PIK3C2G: variants seen among roughly 807,000 people sequenced by gnomAD.
The protein encoded by PIK3C2G is phosphatidylinositol-4-phosphate 3-kinase catalytic subunit type 2 gamma, also known as phosphatidylinositol 3-kinase C2 domain-containing subunit gamma.
A neutral mutation model predicts 181.1 loss-of-function variants in PIK3C2G; 168 were observed. That is an observed-to-expected ratio of 0.93 (90% CI 0.82 to 1.05). PIK3C2G has a LOEUF of 1.05. Among genes scored for constraint, PIK3C2G ranks in the 50% least tolerant of loss-of-function variants. The pLI, the probability that PIK3C2G is intolerant of heterozygous loss-of-function variation, is 0.00. For synonymous variants in PIK3C2G, 573 were observed against 592.2 expected (o/e 0.97, Z 0.47); for missense variants, 1,869 against 1,732.8 (o/e 1.08, Z -1.40).
intron 5 of PIK3C2G, among the ~76,000 whole-genome samples, chr12:18,307,591 C>T (rs746619951): frequency 7.5e-4 from 114 of 151,912 alleles, no homozygotes; most frequent in Admixed American, 1.6e-3. Flanking sequence ...AGAGCACAAC[C>T]CTTCTCTCCA....
chr12:18,279,851 A>G (rs530119804), intron 1 of PIK3C2G, among the ~76,000 whole-genome samples: 75 of 152,016 alleles, frequency 4.9e-4, no homozygotes, highest in Non-Finnish European at 8.0e-4. Flanking sequence ...ATTTACATAC[A>G]TCTCTTGAAA....
chr12:18,587,366 A>G (rs1352156307), intron 29 of PIK3C2G, among the ~76,000 whole-genome samples: 2 of 152,136 alleles, frequency 1.3e-5, no homozygotes, highest in East Asian at 1.9e-4. Context: ...AAGTTTTGGG[A>G]TACAAATCAA....
At chr12:18,283,148 T>C (rs1231265489) in intron 2 of PIK3C2G, among the ~76,000 whole-genome samples, 2 of 152,130 alleles carry the variant, frequency 1.3e-5, no homozygotes, top group African/African-American at 2.4e-5. Context: ...TTGAGTCACA[T>C]TGTAATGATT....
chr12:18,492,862 C>G (rs1490197615), intron 20 of PIK3C2G, among the ~76,000 whole-genome samples: 1 of 152,050 alleles, frequency 6.6e-6, no homozygotes, highest in Non-Finnish European at 1.5e-5. Context: ...CAGGTGGGAC[C>G]ACACTCCTTC....
At chr12:18,310,064 ATAAT>A (rs1950576966) in intron 5 of PIK3C2G, among the ~76,000 whole-genome samples, 1 of 151,914 alleles carries the variant, frequency 6.6e-6, no homozygotes, top group South Asian at 2.1e-4. Flanking sequence ...TTTTTAAAAG[ATAAT>A]TAATAAAGGA....
At chr12:18,416,570 T>C (rs1945193001) in intron 16 of PIK3C2G, among the ~76,000 whole-genome samples, 1 of 152,192 alleles carries the variant, frequency 6.6e-6, no homozygotes, top group South Asian at 2.1e-4. Context: ...CCAATGCTCA[T>C]TTACTATTTC....
At chr12:18,622,420 G>A (rs956038356) in intron 31 of PIK3C2G, among the ~76,000 whole-genome samples, 8 of 151,834 alleles carry the variant, frequency 5.3e-5, no homozygotes, top group African/African-American at 1.9e-4. Context: ...ATATTCCATT[G>A]TACACAAACA....
intron 11 of PIK3C2G, among the ~76,000 whole-genome samples, chr12:18,357,371 A>G (rs1271219948): frequency 1.3e-5 from 2 of 152,146 alleles, no homozygotes; most frequent in Non-Finnish European, 1.5e-5. Context: ...ATTTAAGTTA[A>G]AAATATTCAA....
chr12:18,490,843 GTTGT>G (rs2136062308), intron 19 of PIK3C2G, among the ~76,000 whole-genome samples: 1 of 152,278 alleles, frequency 6.6e-6, no homozygotes, highest in South Asian at 2.1e-4. Flanking sequence ...ATTTAAAGGT[GTTGT>G]TTGTGATATC....
intron 29 of PIK3C2G, among the ~76,000 whole-genome samples, chr12:18,591,485 C>A (rs1472110736): frequency 3.3e-5 from 5 of 151,542 alleles, no homozygotes; most frequent in South Asian, 4.2e-4. Context: ...AAACCCTGGG[C>A]AAATGGGTGG....
chr12:18,466,655 G>T (rs533109953), intron 18 of PIK3C2G, among the ~76,000 whole-genome samples: 1 of 152,042 alleles, frequency 6.6e-6, no homozygotes, highest in East Asian at 1.9e-4. Flanking sequence ...ACATTTGTCA[G>T]ATGGCATAAT....
the PIK3C2G span, among the ~76,000 whole-genome samples, chr12:18,677,164 A>G: frequency 1.3e-5 from 2 of 152,250 alleles, no homozygotes; most frequent in East Asian, 3.9e-4. Flanking sequence ...AGATACTGTC[A>G]TATTCCAACA....
At chr12:18,426,655 A>G (rs1945832460) in intron 18 of PIK3C2G, among the ~76,000 whole-genome samples, 1 of 152,182 alleles carries the variant, frequency 6.6e-6, no homozygotes, top group Admixed American at 6.5e-5. Flanking sequence ...GATAGTTAAG[A>G]CCACTAAATA....
chr12:18,424,030 G>A lies in PIK3C2G; in HGVS notation c.2495G>A (p.Arg832His), dbSNP rs1487101274. The change falls in exon 18 of 33, where the codon CGT becomes CAT. Residue 832 changes from arginine (R) to histidine (H), a missense_variant. Coordinates refer to ENST00000538779, the MANE Select transcript of PIK3C2G (RefSeq NM_001288772.2). ...RSLQSIQVAH[R>H]LYWLLKNAEN... ...TTGCAGAGCATCCAGGTTGCCCATC[G>A]TCTTTACTGGTAAGATTAACTAAAT... The A allele has an allele frequency of 1.6e-5, 25 of 1,602,566 alleles. No homozygotes were observed. Among genetic ancestry groups the A allele is most frequent in the Admixed American group, 8.4e-5 (5 of 59,362 alleles).
chr12:18,540,261 T>C (rs865798331), intron 25 of PIK3C2G, among the ~76,000 whole-genome samples: 3 of 151,896 alleles, frequency 2.0e-5, no homozygotes, highest in African/African-American at 7.2e-5. Context: ...CCAGCATTTC[T>C]AAATGCCTAT....
chr12:18,274,642 A>G (rs7980727), intron 1 of PIK3C2G, among the ~76,000 whole-genome samples: 55,653 of 151,450 alleles, frequency 0.37, 10,310 homozygotes, highest in Non-Finnish European at 0.41. Context: ...ATCACACCCC[A>G]GGGACTGTTG....
At position 18,529,270 on chromosome 12, in the gene PIK3C2G, G is replaced by A. The variant is rs189872776; in HGVS notation, c.3324-8886G>A. ...CTAAGTCCAAGTGTTAAAGTATCAG[G>A]ATCACTTTCTCATCATTGGGCATTT... On this transcript the variant is annotated intron_variant, in intron 24 of 32. Transcript: ENST00000538779. 1.4e-3 allele frequency among the ~76,000 whole-genome samples: 215 copies of A among 152,174 alleles called. 1 individual carries two copies. Among genetic ancestry groups the A allele is most frequent in the African/African-American group, 5.0e-3 (208 of 41,508 alleles).
At chr12:18,712,745 C>T in the PIK3C2G span, 1 of 1,413,316 alleles carries the variant, frequency 7.1e-7, no homozygotes, top group Non-Finnish European at 9.9e-7. Context: ...TTTGAAATAT[C>T]ATCTAAAGTA....
chr12:18,395,117 C>CTTTCTTTCTTTCTTTCTTTCTTTCTT (rs1943795409), intron 15 of PIK3C2G, among the ~76,000 whole-genome samples: 1 of 122,412 alleles, frequency 8.2e-6, no homozygotes, highest in African/African-American at 2.9e-5. Context: ...CTTTCTTTCT[C>CTTTCTTTCTTTCTTTCTTTCTTTCTT]TCTTTCCCTT....
Sources: gnomAD v4.1 joint callset for allele counts (sites outside exome capture counted in the v4.1 genomes callset) on GRCh38, gnomAD v4.1.1 for gene constraint, MANE v1.5 for transcripts, NCBI Gene and HGNC (gene_info 2026-07-23, HGNC 2026-07-21) for gene names.